Variants in PPEF1 observed in about 807,000 individuals in gnomAD.
PPEF1 encodes serine/threonine-protein phosphatase with EF-hands 1.
Under a neutral mutation model 53.3 loss-of-function variants are expected in PPEF1, and 12 were observed. The ratio of observed to expected loss-of-function variants is 0.23; its 90% confidence interval spans 0.14 to 0.36. The LOEUF (loss-of-function observed/expected upper bound fraction) is 0.36, where lower values mean the gene tolerates loss of function less well. Among genes scored for constraint, PPEF1 ranks in the 10% least tolerant of loss-of-function variants. The pLI is 1.00. For synonymous variants in PPEF1, 165 were observed against 176.7 expected (o/e 0.93, Z 0.52); for missense variants, 334 against 490.4 (o/e 0.68, Z 3.01).
At chrX:18,810,434 C>T (rs969620242) in intron 12 of PPEF1, among the ~76,000 whole-genome samples, 1 of 110,517 alleles carries the variant, frequency 9.0e-6, no homozygotes, top group Non-Finnish European at 1.9e-5. Context: ...AATGACAGTA[C>T]GTTTAGAGTT....
At chrX:18,823,704 C>T (rs1466685215) in intron 13 of PPEF1, among the ~76,000 whole-genome samples, 2 of 110,147 alleles carry the variant, frequency 1.8e-5, no homozygotes, top group African/African-American at 6.6e-5. Context: ...AAAAATCTAA[C>T]ACGTGAAGTC....
intron 3 of PPEF1, among the ~76,000 whole-genome samples, chrX:18,688,019 G>A (rs1929172747): frequency 8.9e-6 from 1 of 111,805 alleles, no homozygotes; most frequent in African/African-American, 3.3e-5. Context: ...GGAAACTGAG[G>A]TTTAGAGGAG....
chrX:18,775,788 G>A (rs2045954426), intron 6 of PPEF1, among the ~76,000 whole-genome samples: 1 of 111,999 alleles, frequency 8.9e-6, no homozygotes, highest in Non-Finnish European at 1.9e-5. Flanking sequence ...CATAGTTGGA[G>A]GCACAACAGT....
At chrX:18,694,906 C>T (rs780334181) in intron 4 of PPEF1, among the ~76,000 whole-genome samples, 3 of 111,966 alleles carry the variant, frequency 2.7e-5, no homozygotes, top group African/African-American at 6.5e-5. Context: ...CTTCATCTGC[C>T]GTCTGTTATT....
upstream of PPEF1, among the ~76,000 whole-genome samples, chrX:18,682,260 C>T (rs1352522798): frequency 8.9e-6 from 1 of 112,619 alleles, no homozygotes; most frequent in African/African-American, 3.2e-5. Flanking sequence ...TGCCACTAAC[C>T]TTGGCAGTAG....
At chrX:18,690,664 C>T (rs1170953089) in intron 3 of PPEF1, among the ~76,000 whole-genome samples, 1 of 112,495 alleles carries the variant, frequency 8.9e-6, no homozygotes, top group African/African-American at 3.2e-5. Context: ...CATGAGCCAT[C>T]GTGCCTGGCC....
intron 13 of PPEF1, among the ~76,000 whole-genome samples, chrX:18,821,282 A>T (rs2047038455): frequency 9.0e-6 from 1 of 110,867 alleles, no homozygotes; most frequent in Non-Finnish European, 1.9e-5. Context: ...TGGAAATTAG[A>T]TTGCTGAAAC....
intron 10 of PPEF1, among the ~76,000 whole-genome samples, chrX:18,795,626 T>C (rs1220590967): frequency 8.9e-6 from 1 of 111,996 alleles, no homozygotes; most frequent in Non-Finnish European, 1.9e-5. Context: ...TGGTGAAATT[T>C]AGCGTTTTTC....
At chrX:18,765,320 C>T (rs2045744307) in intron 6 of PPEF1, among the ~76,000 whole-genome samples, 1 of 111,163 alleles carries the variant, frequency 9.0e-6, no homozygotes, top group African/African-American at 3.3e-5. Context: ...GTGGGGAAAC[C>T]GAGGGAAGAG....
At chrX:18,823,635 A>AAT (rs1555980397) in intron 13 of PPEF1, among the ~76,000 whole-genome samples, 8 of 109,981 alleles carry the variant, frequency 7.3e-5, no homozygotes, top group Admixed American at 2.0e-4. Context: ...CTCAAAAAAA[A>AAT]AAATAAATAA....
intron 6 of PPEF1, among the ~76,000 whole-genome samples, chrX:18,765,269 G>A (rs5955641): frequency 0.44 from 48,896 of 110,247 alleles, 8,374 homozygotes; most frequent in Non-Finnish European, 0.54. Flanking sequence ...TGGACATGGA[G>A]TGAACCACAT....
chrX:18,809,573 C>T (rs925338979), intron 12 of PPEF1, among the ~76,000 whole-genome samples: 2 of 109,215 alleles, frequency 1.8e-5, no homozygotes, highest in African/African-American at 6.7e-5. Flanking sequence ...GACGTGATGG[C>T]GCACACCTGT....
intron 6 of PPEF1, among the ~76,000 whole-genome samples, chrX:18,766,368 C>T (rs183494263): frequency 2.7e-4 from 30 of 111,383 alleles, no homozygotes; most frequent in African/African-American, 9.1e-4. Flanking sequence ...TGATAGTTTG[C>T]ATGGATGTAC....
chrX:18,685,701 AAAG>A (rs1163585533), intron 2 of PPEF1, among the ~76,000 whole-genome samples: 3,039 of 106,371 alleles, frequency 0.029, 155 homozygotes, highest in African/African-American at 0.094. Flanking sequence ...AAAAAAAAAA[AAAG>A]AAAAAAAAGC....
chrX:18,679,498 T>G (rs1213784108), upstream of PPEF1, among the ~76,000 whole-genome samples: 3 of 111,883 alleles, frequency 2.7e-5, no homozygotes, highest in Admixed American at 9.5e-5. Context: ...CTAGCAAAGC[T>G]TATTGGCACC....
At chrX:18,679,596 G>T (rs996868381), upstream of PPEF1, among the ~76,000 whole-genome samples, 3 of 111,684 alleles carry the variant, frequency 2.7e-5, no homozygotes, top group African/African-American at 9.8e-5. Flanking sequence ...CTGGATCATA[G>T]CCAGTAGCCT....
At chrX:18,810,023 TG>T (rs947865638) in intron 12 of PPEF1, among the ~76,000 whole-genome samples, 1 of 110,180 alleles carries the variant, frequency 9.1e-6, no homozygotes, top group African/African-American at 3.3e-5. Flanking sequence ...CAATTTTATT[TG>T]CCAGTTATAA....
chrX:18,684,168 T>C (rs920809869), intron 1 of PPEF1, among the ~76,000 whole-genome samples: 1 of 111,715 alleles, frequency 9.0e-6, no homozygotes, highest in Admixed American at 9.6e-5. Flanking sequence ...GAACACAGTG[T>C]TGGGTAGTGC....
At chrX:18,788,536 C>T (rs759053488) in intron 9 of PPEF1, among the ~76,000 whole-genome samples, 2 of 110,770 alleles carry the variant, frequency 1.8e-5, no homozygotes, top group African/African-American at 3.3e-5. Flanking sequence ...TCCAAAGAAA[C>T]GCAGCAGTTT....
Sources: gnomAD v4.1 joint callset for allele counts (sites outside exome capture counted in the v4.1 genomes callset) on GRCh38, gnomAD v4.1.1 for gene constraint, MANE v1.5 for transcripts, NCBI Gene and HGNC (gene_info 2026-07-23, HGNC 2026-07-21) for gene names.